ETV1: variants seen among roughly 807,000 people sequenced by gnomAD.
ETV1 encodes ETS variant transcription factor 1, also known as ETS translocation variant 1.
In ETV1, 27 loss-of-function variants were observed where a neutral mutation model predicts 62.3. That is an observed-to-expected ratio of 0.43 (90% CI 0.32 to 0.60). The LOEUF is 0.60. Among genes scored for constraint, ETV1 ranks in the 20% least tolerant of loss-of-function variants. The pLI, the probability that ETV1 is intolerant of heterozygous loss-of-function variation, is 0.06. For synonymous variants in ETV1, 222 were observed against 199.6 expected (o/e 1.11, Z -0.94); for missense variants, 605 against 605.8 (o/e 1.00, Z 0.01).
At chr7:13,950,369 TGA>T (rs148130237) in intron 6 of ETV1, among the ~76,000 whole-genome samples, 12 of 150,080 alleles carry the variant, frequency 8.0e-5, no homozygotes, top group Non-Finnish European at 1.2e-4. Context: ...TGTGTGTGTA[TGA>T]GAGAGAGAGA....
At chr7:13,941,775 C>T (rs1028727670) in intron 6 of ETV1, among the ~76,000 whole-genome samples, 3 of 151,808 alleles carry the variant, frequency 2.0e-5, no homozygotes, top group African/African-American at 7.3e-5. Flanking sequence ...GAGGCTGGGG[C>T]ACGAGAATCA....
intron 12 of ETV1, among the ~76,000 whole-genome samples, chr7:13,901,671 C>T (rs146961880): frequency 9.9e-5 from 15 of 152,160 alleles, no homozygotes; most frequent in Non-Finnish European, 1.9e-4. Flanking sequence ...ATTAATAAAC[C>T]GAACTGCAAA....
chr7:13,896,443 T>C (rs1781783600), intron 13 of ETV1, among the ~76,000 whole-genome samples: 1 of 152,194 alleles, frequency 6.6e-6, no homozygotes, highest in Non-Finnish European at 1.5e-5. Context: ...GAAAGCTTTT[T>C]TTCTGCATTT....
intron 6 of ETV1, among the ~76,000 whole-genome samples, chr7:13,945,353 T>C (rs1299252663): frequency 6.6e-6 from 1 of 152,038 alleles, no homozygotes; most frequent in African/African-American, 2.4e-5. Flanking sequence ...TCTTACAAGT[T>C]CTCCCGCTCC....
intron 6 of ETV1, among the ~76,000 whole-genome samples, chr7:13,963,775 G>A (rs1425767007): frequency 6.6e-6 from 1 of 152,022 alleles, no homozygotes; most frequent in Non-Finnish European, 1.5e-5. Context: ...TATTCCATAA[G>A]CACATTATCC....
At chr7:13,939,307 TG>T (rs1787203634) in intron 6 of ETV1, 61 bp from the exon 7 acceptor site, 1 of 1,422,396 alleles carries the variant, frequency 7.0e-7, no homozygotes, top group Admixed American at 2.2e-5. Context: ...TGGAGATTAA[TG>T]TGTTCTACTT....
chr7:13,986,146 A>G (rs1400051931), intron 5 of ETV1: 10 of 1,593,902 alleles, frequency 6.3e-6, no homozygotes, highest in Non-Finnish European at 8.5e-6. Context: ...CAAGGTGGAA[A>G]GAAGACACTT....
At chr7:13,908,431 G>T (rs1266334617) in intron 11 of ETV1, among the ~76,000 whole-genome samples, 1 of 152,082 alleles carries the variant, frequency 6.6e-6, no homozygotes, top group Non-Finnish European at 1.5e-5. Context: ...CATTCCAAGA[G>T]TAAGAGGCTT....
chr7:13,986,169 T>C (rs1233145418), intron 5 of ETV1: 7 of 1,593,918 alleles, frequency 4.4e-6, no homozygotes, highest in Non-Finnish European at 6.0e-6. Flanking sequence ...ACTTAAATCT[T>C]GAAGCATCCC....
intron 6 of ETV1, among the ~76,000 whole-genome samples, chr7:13,972,126 T>G (rs1255080275): frequency 1.3e-5 from 2 of 148,798 alleles, no homozygotes; most frequent in Non-Finnish European, 3.0e-5. Context: ...AAAAAAAAAA[T>G]GATATAACTA....
intron 7 of ETV1, among the ~76,000 whole-genome samples, chr7:13,937,053 A>G (rs548485795): frequency 3.5e-4 from 54 of 152,246 alleles, no homozygotes; most frequent in African/African-American, 1.2e-3. Flanking sequence ...AAAAAAAATA[A>G]GTAAAATAAA....
chr7:13,940,387 A>G (rs1787347985), intron 6 of ETV1, among the ~76,000 whole-genome samples: 2 of 151,764 alleles, frequency 1.3e-5, no homozygotes, highest in South Asian at 4.2e-4. Context: ...AAAAGAAAAA[A>G]AAGAAAAAAA....
chr7:13,958,003 A>C (rs898368419), intron 6 of ETV1, among the ~76,000 whole-genome samples: 19 of 152,212 alleles, frequency 1.2e-4, no homozygotes, highest in Non-Finnish European at 1.2e-4. Context: ...GATAAAAGTT[A>C]AGTCAGATAA....
At chr7:13,983,421 G>C (rs960703059) in intron 5 of ETV1, among the ~76,000 whole-genome samples, 8 of 151,770 alleles carry the variant, frequency 5.3e-5, no homozygotes, top group African/African-American at 1.9e-4. Context: ...TGACTTTCAG[G>C]TTGTTAAGAA....
At chr7:13,977,345 G>A (rs953273354) in intron 6 of ETV1, 82 bp downstream of exon 6, 42 of 953,866 alleles carry the variant, frequency 4.4e-5, no homozygotes, top group East Asian at 3.2e-4. Context: ...GACACTGGAC[G>A]TGAAAACCAA....
At chr7:13,910,904 C>G (rs1305585293) in intron 10 of ETV1, among the ~76,000 whole-genome samples, 1 of 152,114 alleles carries the variant, frequency 6.6e-6, no homozygotes, top group Non-Finnish European at 1.5e-5. Flanking sequence ...TCTGTAAAAG[C>G]AAAACCAAAT....
rs555428427 is a variant in ETV1, at chr7:13,953,439, G to A, written c.236-14193C>T. On this transcript the variant is annotated intron_variant, in intron 6 of 13. Transcript: ENST00000430479. ...CTCTTCTCTGCCTAGTAATTCTGTA[G>A]TTTGTTTCAAATAATGGACAATACA... 5.3e-5 allele frequency among the ~76,000 whole-genome samples: 8 copies of A among 152,278 alleles called. No individual in the cohort carries two copies. In the South Asian group the frequency reaches 1.7e-3, roughly 32 times the overall value.
At chr7:13,957,054 C>A (rs368943427) in intron 6 of ETV1, among the ~76,000 whole-genome samples, 1 of 151,824 alleles carries the variant, frequency 6.6e-6, no homozygotes, top group South Asian at 2.1e-4. Flanking sequence ...GCTACGTAAA[C>A]CTAAGTCACC....
intron 6 of ETV1, among the ~76,000 whole-genome samples, chr7:13,941,727 C>A (rs1014545072): frequency 6.6e-6 from 1 of 151,982 alleles, no homozygotes; most frequent in Admixed American, 6.6e-5. Flanking sequence ...AAAAATTAGC[C>A]AGGCATGGTG....
Sources: gnomAD v4.1 joint callset for allele counts (sites outside exome capture counted in the v4.1 genomes callset) on GRCh38, gnomAD v4.1.1 for gene constraint, MANE v1.5 for transcripts, NCBI Gene and HGNC (gene_info 2026-07-23, HGNC 2026-07-21) for gene names.